Variants in GGNBP2 observed in about 807,000 individuals in gnomAD.
GGNBP2 encodes the protein gametogenetin binding protein 2.
A neutral mutation model predicts 85.9 loss-of-function variants in GGNBP2; 10 were observed. The observed-to-expected ratio is 0.12, with a 90% CI of 0.07 to 0.20. The LOEUF (loss-of-function observed/expected upper bound fraction) is 0.20. Ranked by LOEUF, GGNBP2 falls within the 10% of genes least tolerant of loss-of-function variation. GGNBP2 has a pLI of 1.00. For missense variants in GGNBP2, 595 were observed against 857.8 expected, an observed-to-expected ratio of 0.69 and a Z score of 3.83; for synonymous variants, 287 against 285.7, an observed-to-expected ratio of 1.00 and a Z score of -0.05.
intron 6 of GGNBP2, among the ~76,000 whole-genome samples, chr17:36,569,507 CCTTTGA>C (rs1162608852): frequency 3.3e-5 from 5 of 152,144 alleles, no homozygotes; most frequent in Admixed American, 3.3e-4. Flanking sequence ...GGTTGTATGT[CCTTTGA>C]CTTTGAGGCA....
At chr17:36,567,267 A>G (rs980308240) in intron 5 of GGNBP2, among the ~76,000 whole-genome samples, 18 of 152,192 alleles carry the variant, frequency 1.2e-4, no homozygotes, top group African/African-American at 4.3e-4. Context: ...TTTTTATATA[A>G]AGATATGAGC....
chr17:36,552,118 A>G (rs1290834374), intron 2 of GGNBP2, among the ~76,000 whole-genome samples: 3 of 152,228 alleles, frequency 2.0e-5, no homozygotes, highest in African/African-American at 7.2e-5. Context: ...CAAGCAAATG[A>G]AAATATAAAT....
chr17:36,575,648 A>ATATATATATTTTTT (rs374366757), intron 6 of GGNBP2, among the ~76,000 whole-genome samples: 7 of 54,910 alleles, frequency 1.3e-4, no homozygotes, highest in African/African-American at 5.4e-4. Context: ...ATATATATAT[A>ATATATATATTTTTT]TTTTTTTTTT....
At chr17:36,574,813 C>CA in intron 6 of GGNBP2, 1 of 670,908 alleles carries the variant, frequency 1.5e-6, no homozygotes, top group Non-Finnish European at 2.7e-6. Flanking sequence ...TGGTGTGGGG[C>CA]TTGCTGATCT....
At position 36,589,661 on chromosome 17, in the gene GGNBP2, G is replaced by A; in HGVS notation, c.*250G>A. The A allele has an allele frequency of 2.0e-6, 1 of 503,614 alleles. No homozygotes were observed. Among genetic ancestry groups the A allele is most frequent in the Non-Finnish European group, 3.5e-6 (1 of 285,510 alleles). The allele number at this position is 503,614 out of a possible 1,614,324, so 31.2% of individuals were successfully genotyped here. A position where few individuals can be genotyped will look rare whatever the true frequency, so the allele number is the denominator to read the frequency against. On this transcript the variant is annotated 3_prime_UTR_variant, in exon 14 of 14. Transcript: ENST00000613102. ...CTTTTCATTAAATGTTTCTCTTCCT[G>A]TGAGACTTACTAAAGCAACTTAGTG...
intron 2 of GGNBP2, among the ~76,000 whole-genome samples, chr17:36,554,344 G>T (rs1485873581): frequency 6.5e-5 from 6 of 92,990 alleles, no homozygotes; most frequent in South Asian, 3.6e-4. Context: ...CTTGTCTTAT[G>T]TACTTGAATT....
In GGNBP2 at chr17:36,586,141, A is replaced by G. The variant is rs755309763; in HGVS notation, c.1584A>G (p.Thr528=). The G allele has an allele frequency of 3.1e-6, 5 of 1,614,054 alleles. No homozygotes were observed. The highest frequency in any genetic ancestry group is 1.1e-5 in the South Asian group (1 of 91,050). ...ECWANSEEND[T]KGKNKKKKKK... Reference sequence around the variant, plus strand: ...GGGCAAATTCTGAAGAGAACGACACAAAAGGAAAAAATAAAAAGAAGAAGA... The same window carrying G: ...GGGCAAATTCTGAAGAGAACGACACGAAAGGAAAAAATAAAAAGAAGAAGA... The change falls in exon 12 of 14, where the codon ACA becomes ACG. Residue 528 remains threonine (T), a synonymous_variant. Coordinates refer to ENST00000613102, the MANE Select transcript of GGNBP2 (RefSeq NM_024835.5).
In GGNBP2 at chr17:36,571,877, T is replaced by C. The variant is rs116625673; in HGVS notation, c.641+4101T>C. ...ATAATAGTAAATAAAAATAAATAAATAAATATAAAAACAAAATAAAAAAAT... is the reference window on the plus strand; with the variant it reads ...ATAATAGTAAATAAAAATAAATAAACAAATATAAAAACAAAATAAAAAAAT... On this transcript the variant is annotated intron_variant, in intron 6 of 13. Transcript: ENST00000613102. Among the ~76,000 whole-genome samples, 797 of 151,092 alleles carry C rather than the reference T, an allele frequency of 5.3e-3. 13 individuals are homozygous for C. The highest frequency in any genetic ancestry group is 0.026 in the East Asian group (133 of 5,152).
At chr17:36,584,126 C>G (rs906442360) in intron 9 of GGNBP2, among the ~76,000 whole-genome samples, 1 of 152,192 alleles carries the variant, frequency 6.6e-6, no homozygotes, top group African/African-American at 2.4e-5. Flanking sequence ...AGTTGTTGTT[C>G]ATTGTTTCCT....
Position 36,574,944 on chromosome 17 carries a change from A to C in GGNBP2, c.642-3039A>C. ...ACACCCAGACCGATGTGGCCATTGT[A>C]GTCCACGATGGCAACAAACATCTTG... On this transcript the variant is annotated intron_variant, in intron 6 of 13. Coordinates refer to ENST00000613102, the MANE Select transcript of GGNBP2 (RefSeq NM_024835.5). 4.2e-6 allele frequency: 5 copies of C among 1,181,218 alleles called. No homozygotes were observed. In the South Asian group the frequency reaches 6.5e-5, roughly 15 times the overall value. 73.2% of individuals were successfully genotyped at this position (1,181,218 alleles called of 1,614,324 possible).
chr17:36,564,236 T>C (rs1392359157), intron 5 of GGNBP2, among the ~76,000 whole-genome samples: 1 of 152,204 alleles, frequency 6.6e-6, no homozygotes, highest in Non-Finnish European at 1.5e-5. Flanking sequence ...GCTTGCCTTC[T>C]GGTGCTTTTT....
intron 2 of GGNBP2, among the ~76,000 whole-genome samples, chr17:36,549,560 T>C (rs960358554): frequency 3.3e-5 from 5 of 152,342 alleles, no homozygotes; most frequent in African/African-American, 1.2e-4. Flanking sequence ...AAATTACCCT[T>C]AGTCATGCTT....
chr17:36,550,305 T>TCA (rs200496801), intron 2 of GGNBP2, among the ~76,000 whole-genome samples: 9,391 of 152,212 alleles, frequency 0.062, 383 homozygotes, highest in Middle Eastern at 0.16. Flanking sequence ...ACTACTCTGA[T>TCA]AAGAGTTTGG....
rs752236867 is a variant in GGNBP2 at position 36,579,425 on chromosome 17, A to T, written c.1020+6A>T. The T allele has an allele frequency of 1.2e-6, 2 of 1,613,400 alleles. No homozygotes were observed. The highest frequency in any genetic ancestry group is 1.7e-5 in the Admixed American group (1 of 59,990). On this transcript the variant is annotated splice_donor_region_variant and intron_variant, in intron 8 of 13. Transcript: ENST00000613102. Reference sequence around the variant, plus strand: ...CTTTACGCAAGAGTTTTGAGGTAAGAACAGTGGGCTGTTCCAGTATCTCAG... The same window carrying T: ...CTTTACGCAAGAGTTTTGAGGTAAGTACAGTGGGCTGTTCCAGTATCTCAG...
chr17:36,549,073 C>T (rs371674928), intron 2 of GGNBP2, among the ~76,000 whole-genome samples: 20 of 152,192 alleles, frequency 1.3e-4, no homozygotes, highest in African/African-American at 4.8e-4. Flanking sequence ...TGAGAAAATT[C>T]CAAATAAGTT....
intron 9 of GGNBP2, among the ~76,000 whole-genome samples, chr17:36,583,091 G>A (rs1047991288): frequency 4.0e-5 from 6 of 151,602 alleles, no homozygotes; most frequent in African/African-American, 1.5e-4. Flanking sequence ...GTCTCGCTCT[G>A]TTGCCAGGCT....
intron 1 of GGNBP2, 65 bp from the exon 2 acceptor site, chr17:36,545,554 G>C (rs1567813471): frequency 1.7e-6 from 1 of 583,328 alleles, no homozygotes; most frequent in Non-Finnish European, 3.1e-6. Flanking sequence ...TCCGCTCCCT[G>C]CCCCCCGTGG....
chr17:36,588,463 T>A (rs1203794692), intron 13 of GGNBP2, among the ~76,000 whole-genome samples: 1 of 152,118 alleles, frequency 6.6e-6, no homozygotes, highest in African/African-American at 2.4e-5. Context: ...TCCATGTTGG[T>A]CAGGCTGGTC....
At position 36,545,715 on chromosome 17, in the gene GGNBP2, G is replaced by A. The variant is rs1462789595; in HGVS notation, c.-10G>A. Reference sequence around the variant, plus strand: ...AGGTGGTGACGGTGGCAACGGCAGCGTCGGGGACGATGGCGCGACTCGTGG... The same window carrying A: ...AGGTGGTGACGGTGGCAACGGCAGCATCGGGGACGATGGCGCGACTCGTGG... On this transcript the variant is annotated 5_prime_UTR_variant, in exon 2 of 14. Coordinates refer to ENST00000613102, the MANE Select transcript of GGNBP2 (RefSeq NM_024835.5). 2.6e-6 allele frequency: 4 copies of A among 1,563,420 alleles called. No homozygotes were observed. The highest frequency in any genetic ancestry group is 1.7e-4 in the Middle Eastern group (1 of 5,994).
Sources: gnomAD v4.1 joint callset for allele counts (sites outside exome capture counted in the v4.1 genomes callset) on GRCh38, gnomAD v4.1.1 for gene constraint, MANE v1.5 for transcripts, NCBI Gene and HGNC (gene_info 2026-07-23, HGNC 2026-07-21) for gene names.